Variants in CCDC88B observed in about 807,000 individuals in gnomAD.
CCDC88B encodes coiled-coil and HOOK domain protein 88B, also known as coiled-coil domain-containing protein 88B.
Under a neutral mutation model 183.7 loss-of-function variants are expected in CCDC88B, and 138 were observed. The ratio of observed to expected loss-of-function variants is 0.75; its 90% confidence interval spans 0.65 to 0.87. The LOEUF is 0.87. CCDC88B is among the 40% of genes least tolerant of loss of function. CCDC88B has a pLI of 0.00. For missense variants in CCDC88B, 1,822 were observed against 1,965.6 expected (o/e 0.93, Z 1.38); for synonymous variants, 835 against 867.5 (o/e 0.96, Z 0.66).
At chr11:64,350,025 T>G in intron 16 of CCDC88B, 1 of 295,578 alleles carries the variant, frequency 3.4e-6, no homozygotes, top group Non-Finnish European at 6.5e-6. Context: ...ACACGGAGGG[T>G]GGGGTGGTGG....
chr11:64,356,899 G>C (rs936321061), intron 26 of CCDC88B, 140 bp from the exon 27 acceptor site: 2 of 759,504 alleles, frequency 2.6e-6, no homozygotes, highest in Admixed American at 5.0e-5. Context: ...ACCGCTGAGG[G>C]AACAGCAGGC....
intron 10 of CCDC88B, 26 bp from the exon 11 acceptor site, chr11:64,343,153 A>G (rs2035953154): frequency 6.6e-7 from 1 of 1,508,988 alleles, no homozygotes; most frequent in Non-Finnish European, 8.9e-7. Flanking sequence ...CTGCGTGGCT[A>G]CCGGTTCTCC....
In CCDC88B at chr11:64,343,491, C is replaced by T; in HGVS notation, c.1210-16C>T. On this transcript the variant is annotated splice_polypyrimidine_tract_variant and intron_variant, in intron 11 of 26. Coordinates refer to ENST00000356786, the MANE Select transcript of CCDC88B (RefSeq NM_032251.6). ...CATGGTGTGGAGGGCTTGTCTGACC[C>T]TTCCCTCACCCCCAGGAGCTGGACT... 6.4e-7 allele frequency: 1 copy of T among 1,551,172 alleles called. No individual in the cohort carries two copies. Among genetic ancestry groups the T allele is most frequent in the Non-Finnish European group, 8.7e-7 (1 of 1,146,558 alleles).
intron 18 of CCDC88B, among the ~76,000 whole-genome samples, 178 bp from the exon 19 acceptor site, chr11:64,351,952 G>A (rs1235086034): frequency 1.3e-5 from 2 of 152,056 alleles, no homozygotes; most frequent in Admixed American, 1.3e-4. Context: ...CCTCTCCCCT[G>A]CTCACCATCA....
Position 64,344,331 on chromosome 11 carries a change from C to T in CCDC88B, c.1790C>T (p.Ser597Phe), listed in dbSNP as rs1465161324. 1 of 1,610,018 alleles carries T rather than the reference C, an allele frequency of 6.2e-7. No individual in the cohort carries two copies. The highest frequency in any genetic ancestry group is 1.1e-5 in the South Asian group (1 of 90,712). ...ESPEKAGRRS[S>F]LQSPASVAPP... ...CCGGAGAAGGCTGGCCGTAGATCCT[C>T]TCTCCAGAGCCCTGCCTCTGTGGCC... Residue 597 changes from serine to phenylalanine, a missense_variant, in exon 14 of 27, where the codon TCT becomes TTT. By Grantham distance (155) the Ser-to-Phe change is radical (BLOSUM62 -2). Transcript: ENST00000356786. The surrounding 1 kb of genome is among the most constrained non-coding windows in gnomAD (Gnocchi z 4.5).
At chr11:64,355,126 C>T in intron 24 of CCDC88B, 68 bp from the exon 25 acceptor site, 1 of 1,163,046 alleles carries the variant, frequency 8.6e-7, no homozygotes, top group East Asian at 3.2e-5. Context: ...ATTCTCTGAC[C>T]TCCTCCCTAC....
intron 26 of CCDC88B, 23 bp from the exon 27 acceptor site, chr11:64,357,016 C>T (rs529763892): frequency 1.3e-6 from 2 of 1,552,382 alleles, no homozygotes; most frequent in African/African-American, 2.7e-5. Context: ...GGAAGCAGAT[C>T]TCAGCTGAGC....
rs1164308304 is a variant in CCDC88B at position 64,353,376 on chromosome 11, A to T, written c.3713A>T (p.Gln1238Leu). ...CELLTQLRSA[Q>L]EEENRQLLAE... The stretch of plus-strand genomic sequence containing the variant: ...CTATTGACACAGCTGCGAAGTGCCC[A>T]GGAAGAGGAGAACCGGCAGCTGCTG... The change falls in exon 22 of 27, where the codon CAG becomes CTG. Residue 1238 changes from glutamine (Q) to leucine (L), a missense_variant. Gln to Leu is a moderately radical substitution (Grantham distance 113). Coordinates refer to ENST00000356786, the MANE Select transcript of CCDC88B (RefSeq NM_032251.6). 4 of 1,613,678 alleles carry T rather than the reference A, an allele frequency of 2.5e-6. No individual in the cohort carries two copies. In the Admixed American group the frequency reaches 6.7e-5, roughly 27 times the overall value.
In CCDC88B at chr11:64,353,810, C is replaced by T. The variant is rs1158935883; in HGVS notation, c.3929C>T (p.Thr1310Ile). 1 of 1,613,984 alleles carries T rather than the reference C, an allele frequency of 6.2e-7. No homozygotes were observed. The highest frequency in any genetic ancestry group is 2.2e-5 in the East Asian group (1 of 44,874). ...CTGGAGCCTGTGCCCCTGCCCCGGA[C>T]CAAGTGAGCAGCCCTGTCACCTCCC... ...RVLEPVPLPRTKKGSWLADKV... is the reference protein window; with the variant it reads ...RVLEPVPLPRIKKGSWLADKV... The change falls in exon 23 of 27, where the codon ACC (threonine) becomes ATC (isoleucine). Residue 1310 changes from threonine (T) to isoleucine (I), a missense_variant. Thr to Ile is a moderately conservative substitution (Grantham distance 89, BLOSUM62 -1). Coordinates refer to ENST00000356786, the MANE Select transcript of CCDC88B (RefSeq NM_032251.6).
At position 64,352,195 on chromosome 11, in the gene CCDC88B, G is replaced by T; in HGVS notation, c.3165G>T (p.Glu1055Asp). The T allele has an allele frequency of 1.9e-6, 3 of 1,607,690 alleles. No homozygotes were observed. The highest frequency in any genetic ancestry group is 2.6e-6 in the Non-Finnish European group (3 of 1,175,414). ...ELHRKLEVLE[E>D]EVRAARQSQE... Reference sequence around the variant, plus strand: ...ACCGGAAGCTGGAGGTGCTGGAGGAGGAGGTGCGGGCGGCACGGCAGTCCC... The same window carrying T: ...ACCGGAAGCTGGAGGTGCTGGAGGATGAGGTGCGGGCGGCACGGCAGTCCC... Residue 1055 changes from glutamate to aspartate, a missense_variant, in exon 19 of 27, where the codon GAG (glutamate) becomes GAT (aspartate). Coordinates refer to ENST00000356786, the MANE Select transcript of CCDC88B (RefSeq NM_032251.6).
Position 64,352,835 on chromosome 11 carries a change from C to T in CCDC88B, c.3448C>T (p.Arg1150Trp), listed in dbSNP as rs899463915. The T allele has an allele frequency of 2.9e-5, 47 of 1,611,946 alleles. No homozygotes were observed. The highest frequency in any genetic ancestry group is 3.3e-5 in the Non-Finnish European group (39 of 1,179,534). ...TGAACGCCTGATGCAAGATGGGCAT[C>T]GGCAGCGGGGCCTGGAGGAGGAGCT... ...ERERLMQDGH[R>W]QRGLEEELRR... Residue 1150 changes from arginine (R) to tryptophan (W), a missense_variant, in exon 20 of 27, where the codon CGG becomes TGG. Coordinates refer to ENST00000356786, the MANE Select transcript of CCDC88B (RefSeq NM_032251.6).
Position 64,353,338 on chromosome 11 carries a change from G to GC in CCDC88B, c.3688-7dup. 6.2e-7 allele frequency: 1 copy of GC among 1,612,252 alleles called. No homozygotes were observed. On this transcript the variant is annotated splice_polypyrimidine_tract_variant and intron_variant, in intron 21 of 26. Transcript: ENST00000356786. ...TGGGTCCCACCCTCCGAGCCATGGT[G>GC]CCCCCCTGCCAGCTATTGACACAGC...
In CCDC88B at chr11:64,344,427, C is replaced by A. The variant is rs1591282122; in HGVS notation, c.1886C>A (p.Ala629Asp). ...LLGGETEGREAPQGELVPEAW... is the reference protein window; with the variant it reads ...LLGGETEGREDPQGELVPEAW... Reference sequence around the variant, plus strand: ...GGAGGAGAGACAGAGGGAAGAGAGGCTCCCCAAGGCGAGTTGGTGCCTGAG... The same window carrying A: ...GGAGGAGAGACAGAGGGAAGAGAGGATCCCCAAGGCGAGTTGGTGCCTGAG... Residue 629 changes from alanine to aspartate, a missense_variant, in exon 14 of 27, where the codon GCT becomes GAT. Ala to Asp is a moderately radical substitution (Grantham distance 126). Coordinates refer to ENST00000356786, the MANE Select transcript of CCDC88B (RefSeq NM_032251.6). The surrounding 1 kb of genome is among the most constrained non-coding windows in gnomAD (Gnocchi z 4.5). 1.3e-6 allele frequency: 2 copies of A among 1,590,186 alleles called. No individual in the cohort carries two copies. Among genetic ancestry groups the A allele is most frequent in the Non-Finnish European group, 1.7e-6 (2 of 1,168,738 alleles).
At chr11:64,340,465 G>A in intron 1 of CCDC88B, 139 bp downstream of exon 1, 2 of 1,385,130 alleles carry the variant, frequency 1.4e-6, no homozygotes, top group Non-Finnish European at 1.9e-6. Flanking sequence ...ATGGAGATAT[G>A]GTGTGGGGGG....
At chr11:64,343,454 A>C (rs1295739880) in intron 11 of CCDC88B, 53 bp from the exon 12 acceptor site, 14 of 1,545,740 alleles carry the variant, frequency 9.1e-6, no homozygotes, top group Non-Finnish European at 1.2e-5. Flanking sequence ...CGACCTACAC[A>C]CTCGGCCTGG....
In CCDC88B at chr11:64,357,406, C is replaced by T. The variant is rs1411300452; in HGVS notation, c.*312C>T. 1 of 717,390 alleles carries T rather than the reference C, an allele frequency of 1.4e-6. No homozygotes were observed. The highest frequency in any genetic ancestry group is 1.7e-5 in the African/African-American group (1 of 57,378). The allele number at this position is 717,390 out of a possible 1,614,324, so 44.4% of individuals were successfully genotyped here. ...GCTGAAGGAGGCTGGCAGGAGTTGG[C>T]AAGAGAACCCCCTGCCCTGTCCAGG... is the stretch of plus-strand genomic sequence containing the variant. On this transcript the variant is annotated 3_prime_UTR_variant, in exon 27 of 27. Transcript: ENST00000356786.
chr11:64,355,114 C>A, intron 24 of CCDC88B, 80 bp from the exon 25 acceptor site: 6 of 1,035,804 alleles, frequency 5.8e-6, no homozygotes, highest in Non-Finnish European at 7.6e-6. Context: ...CAGCCTCCCC[C>A]CATTCTCTGA....
chr11:64,348,389 C>G (rs1392859460), intron 14 of CCDC88B, among the ~76,000 whole-genome samples: 2 of 150,820 alleles, frequency 1.3e-5, no homozygotes, highest in Non-Finnish European at 3.0e-5. Context: ...GGAGGGGGTT[C>G]TAGGAGGGCT....
intron 26 of CCDC88B, 101 bp downstream of exon 26, chr11:64,355,729 C>T: frequency 8.4e-7 from 1 of 1,188,558 alleles, no homozygotes; most frequent in Non-Finnish European, 1.2e-6. Flanking sequence ...GATCCTTTAC[C>T]AAGTGCCAGG....
Sources: allele counts gnomAD v4.1 joint callset (sites outside exome capture counted in the v4.1 genomes callset), GRCh38; gene constraint gnomAD v4.1.1; non-coding constraint Gnocchi (gnomAD v3.1); transcripts MANE v1.5; gene names NCBI Gene and HGNC (gene_info 2026-07-23, HGNC 2026-07-21).